Variants in ABCB11 observed in about 807,000 individuals in gnomAD.
The protein encoded by ABCB11 is ATP binding cassette subfamily B member 11.
ABCB11 carries 95 observed loss-of-function variants against 148.0 expected under a neutral mutation model. The observed-to-expected ratio is 0.64, with a 90% CI of 0.54 to 0.76. ABCB11 has a LOEUF of 0.76. Among genes scored for constraint, ABCB11 ranks in the 30% least tolerant of loss-of-function variants. The pLI, the probability that ABCB11 is intolerant of heterozygous loss-of-function variation, is 0.00. For synonymous variants in ABCB11, 591 were observed against 555.4 expected, an observed-to-expected ratio of 1.06 and a Z score of -0.90; for missense variants, 1,523 against 1,617.8, an observed-to-expected ratio of 0.94 and a Z score of 1.01.
At chr2:168,917,202 C>A (rs201396257), downstream of ABCB11, among the ~76,000 whole-genome samples, 2 of 151,620 alleles carry the variant, frequency 1.3e-5, no homozygotes, top group Non-Finnish European at 2.9e-5. Flanking sequence ...AGTTTTTGGA[C>A]AAAAAAACTA....
intron 3 of ABCB11, 67 bp downstream of exon 3, chr2:169,016,711 G>A (rs1695367594): frequency 4.6e-6 from 6 of 1,310,240 alleles, no homozygotes; most frequent in Non-Finnish European, 6.5e-6. Flanking sequence ...TCTGCTTTGT[G>A]CCTTTGATAT....
At chr2:168,999,022 A>G (rs931097442) in intron 5 of ABCB11, among the ~76,000 whole-genome samples, 3 of 152,040 alleles carry the variant, frequency 2.0e-5, no homozygotes, top group Admixed American at 1.3e-4. Context: ...TGTTGGGAAC[A>G]CTTGTCATCA....
intron 5 of ABCB11, among the ~76,000 whole-genome samples, chr2:168,998,151 T>C (rs1426089074): frequency 6.6e-6 from 1 of 152,072 alleles, no homozygotes; most frequent in Non-Finnish European, 1.5e-5. Context: ...GAGTATACTA[T>C]ATTATTATAA....
chr2:168,938,777 G>C (rs508743), intron 21 of ABCB11, among the ~76,000 whole-genome samples: 67,649 of 151,664 alleles, frequency 0.45, 15,284 homozygotes, highest in African/African-American at 0.48. Flanking sequence ...CAACTTTGCA[G>C]CTCTTTGGGA....
intron 4 of ABCB11, 76 bp downstream of exon 4, chr2:169,014,227 G>A (rs1695283985): frequency 7.0e-6 from 10 of 1,422,786 alleles, no homozygotes; most frequent in Non-Finnish European, 9.9e-6. Context: ...TATGACTAAA[G>A]ATTTAACACT....
chr2:168,978,913 T>G (rs766039559), intron 11 of ABCB11, among the ~76,000 whole-genome samples: 1 of 151,638 alleles, frequency 6.6e-6, no homozygotes, highest in Non-Finnish European at 1.5e-5. Flanking sequence ...AGAGACAGGT[T>G]TTCACCATGT....
At chr2:168,918,873 CTATT>C (rs1421356463), downstream of ABCB11, among the ~76,000 whole-genome samples, 1 of 152,086 alleles carries the variant, frequency 6.6e-6, no homozygotes, top group African/African-American at 2.4e-5. Context: ...GTTTCAGTAT[CTATT>C]GTTTTAATTT....
intron 18 of ABCB11, 101 bp downstream of exon 18, chr2:168,964,105 G>A: frequency 1.3e-6 from 1 of 793,986 alleles, no homozygotes; most frequent in Non-Finnish European, 2.1e-6. Context: ...AACACTGCTA[G>A]ATATATACCT....
intron 18 of ABCB11, 83 bp from the exon 19 acceptor site, chr2:168,958,211 A>T: frequency 7.3e-7 from 1 of 1,378,820 alleles, no homozygotes; most frequent in Non-Finnish European, 1.0e-6. Context: ...CACAGATTTA[A>T]GAGTCATAGT....
intron 1 of ABCB11, among the ~76,000 whole-genome samples, chr2:169,029,722 CTCTT>C: frequency 8.8e-6 from 1 of 114,124 alleles, no homozygotes; most frequent in South Asian, 2.7e-4. Flanking sequence ...CAGTTCTTTC[CTCTT>C]TTTTTTTTTT....
intron 8 of ABCB11, 103 bp from the exon 9 acceptor site, chr2:168,991,028 A>G: frequency 7.5e-7 from 1 of 1,335,732 alleles, no homozygotes; most frequent in Non-Finnish European, 1.0e-6. Context: ...TTAATACAAT[A>G]TTAGATTCTC....
chr2:168,970,251 G>T (rs180721687), intron 14 of ABCB11, 36 bp from the exon 15 acceptor site: 10 of 1,594,504 alleles, frequency 6.3e-6, no homozygotes, highest in East Asian at 4.5e-5. Flanking sequence ...GAAGGGAAAA[G>T]AATTTGATGG....
At chr2:168,939,184 G>T (rs1392717873) in intron 21 of ABCB11, among the ~76,000 whole-genome samples, 1 of 151,740 alleles carries the variant, frequency 6.6e-6, no homozygotes, top group Non-Finnish European at 1.5e-5. Flanking sequence ...TTACACAATA[G>T]GAGGGAATTC....
rs72623178 is a variant in ABCB11 at position 168,987,485 on chromosome 2, G to A, written c.909-1201C>T. On this transcript the variant is annotated intron_variant, in intron 9 of 27. Coordinates refer to ENST00000650372, the MANE Select transcript of ABCB11 (RefSeq NM_003742.4). ...ACTCCATCATTCAGGCTGGAGTGCA[G>A]TAGCATGATCACAGCTCGCTGTAAC... Among the ~76,000 whole-genome samples, 2,296 of 152,256 alleles carry A rather than the reference G, an allele frequency of 0.015. 252 individuals carry two copies. The East Asian group carries it at 0.3, about 20-fold the overall frequency.
At chr2:168,985,711 A>G (rs924483260) in intron 10 of ABCB11, among the ~76,000 whole-genome samples, 7 of 152,128 alleles carry the variant, frequency 4.6e-5, no homozygotes, top group Admixed American at 3.9e-4. Context: ...CAAATATTGC[A>G]TGTTCTCACT....
At chr2:168,982,610 T>C (rs186912189) in intron 10 of ABCB11, among the ~76,000 whole-genome samples, 26 of 152,246 alleles carry the variant, frequency 1.7e-4, no homozygotes, top group Admixed American at 1.6e-3. Context: ...CTACTTACCA[T>C]TTATGCCCAA....
At chr2:168,973,660 T>C in intron 13 of ABCB11, 55 bp downstream of exon 13, 1 of 1,592,872 alleles carries the variant, frequency 6.3e-7, no homozygotes, top group South Asian at 1.1e-5. Flanking sequence ...ATCAATATAC[T>C]GCCATTTGCA....
At chr2:168,926,584 G>C (rs1030677935) in intron 26 of ABCB11, among the ~76,000 whole-genome samples, 5 of 152,114 alleles carry the variant, frequency 3.3e-5, no homozygotes, top group Non-Finnish European at 7.4e-5. Context: ...AACAAAAATA[G>C]CATCCATTGC....
rs937270037 is a variant in ABCB11 at position 168,984,981 on chromosome 2, C to T, written c.1083+1129G>A. Among the ~76,000 whole-genome samples, 87 of 152,046 alleles carry T rather than the reference C, an allele frequency of 5.7e-4. 1 individual carries two copies. Among genetic ancestry groups the T allele is most frequent in the African/African-American group, 1.9e-3 (77 of 41,508 alleles). ...TTTTCACAGCATAAGGAACAGTCAG[C>T]GAGTAAACAGACAACCCACAGGATG... On this transcript the variant is annotated intron_variant, in intron 10 of 27. Coordinates refer to ENST00000650372, the MANE Select transcript of ABCB11 (RefSeq NM_003742.4).
Sources: gnomAD v4.1 joint callset for allele counts (sites outside exome capture counted in the v4.1 genomes callset) on GRCh38, gnomAD v4.1.1 for gene constraint, MANE v1.5 for transcripts, NCBI Gene and HGNC (gene_info 2026-07-23, HGNC 2026-07-21) for gene names.